CEP192: variants seen among roughly 807,000 people sequenced by gnomAD.
CEP192 encodes the protein centrosomal protein of 192 kDa.
Under a neutral mutation model 271.8 loss-of-function variants are expected in CEP192, and 151 were observed. That is an observed-to-expected ratio of 0.56 (90% CI 0.49 to 0.64). The LOEUF is 0.64. Among genes scored for constraint, CEP192 ranks in the 30% least tolerant of loss-of-function variants. The pLI is 0.00. For missense variants in CEP192, 2,910 were observed against 3,020.5 expected (o/e 0.96, Z 0.86); for synonymous variants, 995 against 1,076.5 (o/e 0.92, Z 1.48).
At chr18:13,032,684 G>A (rs773336024) in intron 11 of CEP192, among the ~76,000 whole-genome samples, 1 of 152,138 alleles carries the variant, frequency 6.6e-6, no homozygotes. Flanking sequence ...TTCACCAAAA[G>A]ACATACTAAA....
chr18:13,078,005 A>G (rs528906317), intron 30 of CEP192, among the ~76,000 whole-genome samples: 1 of 152,278 alleles, frequency 6.6e-6, no homozygotes, highest in East Asian at 1.9e-4. Flanking sequence ...TTACACAGGT[A>G]TACACGTGCC....
rs891966157 is a variant in CEP192, at chr18:13,056,556, G to A, written c.3966G>A (p.Trp1322Ter). Residue 1322 changes from tryptophan to a stop codon, truncating the protein, a stop_gained, in exon 19 of 45, where the codon TGG becomes TGA. Transcript: ENST00000506447. LOFTEE classifies it high-confidence loss of function. The part of the protein sequence containing the change: ...ICLGSNIGSG[W>*]MGTSSLCNPY... ...TAGGATCAAATATCGGCTCTGGATG[G>A]ATGGGTACCTCTTCCCTCTGTAACC... is the stretch of plus-strand genomic sequence containing the variant. 6.2e-7 allele frequency: 1 copy of A among 1,614,198 alleles called. No homozygotes were observed. Among genetic ancestry groups the A allele is most frequent in the Non-Finnish European group, 8.5e-7 (1 of 1,180,028 alleles).
At chr18:13,081,301 C>T in intron 30 of CEP192, among the ~76,000 whole-genome samples, 1 of 151,974 alleles carries the variant, frequency 6.6e-6, no homozygotes, top group East Asian at 1.9e-4. Flanking sequence ...GCTATTATTG[C>T]CTTAATTTTA....
At chr18:13,102,135 C>T (rs1308663237) in intron 38 of CEP192, among the ~76,000 whole-genome samples, 1 of 152,128 alleles carries the variant, frequency 6.6e-6, no homozygotes, top group Non-Finnish European at 1.5e-5. Context: ...GCTCCTGCCA[C>T]CCCCCACAGC....
intron 9 of CEP192, among the ~76,000 whole-genome samples, chr18:13,027,779 G>A (rs1280029207): frequency 6.6e-6 from 1 of 151,092 alleles, no homozygotes; most frequent in Non-Finnish European, 1.5e-5. Context: ...TCCACATTAT[G>A]TTTCTTTTTA....
intron 1 of CEP192, among the ~76,000 whole-genome samples, chr18:12,994,091 C>CTAGG (rs1186324427): frequency 6.6e-6 from 1 of 152,096 alleles, no homozygotes; most frequent in Non-Finnish European, 1.5e-5. Flanking sequence ...CTGCTGTGTG[C>CTAGG]TAGGCATTGT....
intron 32 of CEP192, among the ~76,000 whole-genome samples, chr18:13,089,115 T>C (rs1338779898): frequency 2.0e-5 from 3 of 152,210 alleles, no homozygotes; most frequent in Non-Finnish European, 4.4e-5. Flanking sequence ...CCCCTTCAAA[T>C]GTTTCCATTT....
chr18:13,103,157 C>T (rs1000997736), intron 38 of CEP192, among the ~76,000 whole-genome samples: 1 of 152,206 alleles, frequency 6.6e-6, no homozygotes, highest in African/African-American at 2.4e-5. Flanking sequence ...TGTGCATCAT[C>T]TCATAGCCAA....
chr18:13,071,214 T>TA lies in CEP192; in HGVS notation c.5348+4dup. Reference sequence around the variant, plus strand: ...AGGAGTCCCTCTAGGTAGAACACAGTAAGTGTCAAAGACTGACAAATCGTC... The same window carrying TA: ...AGGAGTCCCTCTAGGTAGAACACAGTAAAGTGTCAAAGACTGACAAATCGTC... On this transcript the variant is annotated splice_region_variant and intron_variant, in intron 28 of 44. Coordinates refer to ENST00000506447, the MANE Select transcript of CEP192 (RefSeq NM_032142.4). 1 of 1,611,474 alleles carries TA rather than the reference T, an allele frequency of 6.2e-7. No individual in the cohort carries two copies. Among genetic ancestry groups the TA allele is most frequent in the Non-Finnish European group, 8.5e-7 (1 of 1,178,122 alleles).
rs765233153 is a variant in CEP192, at chr18:13,056,343, G to A, written c.3753G>A (p.Leu1251=). The change falls in exon 19 of 45, where the codon TTG becomes TTA. Residue 1251 remains leucine (L), a synonymous_variant. Transcript: ENST00000506447. ...TGCCTGCTGCTGTGCACGCACTCTT[G>A]ACACAACCCTCTCTCAGCGCTGCTC... is the stretch of plus-strand genomic sequence containing the variant. ...QNMPAAVHAL[L]TQPSLSAAPF... is the part of the protein sequence containing the mutation. The A allele has an allele frequency of 4.3e-6, 7 of 1,614,086 alleles. No homozygotes were observed. The highest frequency in any genetic ancestry group is 1.3e-5 in the African/African-American group (1 of 74,934).
At chr18:13,037,367 G>A (rs2035973083) in intron 12 of CEP192, 66 bp downstream of exon 12, 1 of 670,860 alleles carries the variant, frequency 1.5e-6, no homozygotes, top group African/African-American at 1.8e-5. Flanking sequence ...TGTAGGCACA[G>A]TGTTCATTTC....
chr18:13,108,928 G>GA (rs1489034654), intron 40 of CEP192, among the ~76,000 whole-genome samples: 1 of 152,116 alleles, frequency 6.6e-6, no homozygotes, highest in Non-Finnish European at 1.5e-5. Flanking sequence ...AGGCTGCAGA[G>GA]AAAAAATGCT....
At chr18:13,068,048 A>G (rs772467468) in intron 22 of CEP192, 46 bp from the exon 23 acceptor site, 1 of 1,609,780 alleles carries the variant, frequency 6.2e-7, no homozygotes, top group Non-Finnish European at 8.5e-7. Context: ...CAAACTTAGC[A>G]TTACACTGTT....
At chr18:13,061,859 G>A (rs1049537692) in intron 21 of CEP192, among the ~76,000 whole-genome samples, 21 of 152,256 alleles carry the variant, frequency 1.4e-4, no homozygotes, top group Admixed American at 1.2e-3. Context: ...AACCAGTAAC[G>A]TCTCCAAACA....
intron 39 of CEP192, among the ~76,000 whole-genome samples, chr18:13,104,357 C>T (rs2039855093): frequency 6.6e-6 from 1 of 152,150 alleles, no homozygotes; most frequent in African/African-American, 2.4e-5. Flanking sequence ...CACCTGAATT[C>T]AGTGGGTGTG....
chr18:13,100,584 T>C, intron 38 of CEP192, 72 bp downstream of exon 38: 1 of 1,208,280 alleles, frequency 8.3e-7, no homozygotes, highest in South Asian at 1.3e-5. Flanking sequence ...TTCTTAGCCA[T>C]AAGTTGGTGA....
chr18:13,008,381 C>A, intron 3 of CEP192, 75 bp from the exon 4 acceptor site: 1 of 1,047,138 alleles, frequency 9.5e-7, no homozygotes, highest in Non-Finnish European at 1.4e-6. Context: ...AAATACATAA[C>A]TGATTAATAA....
intron 24 of CEP192, 133 bp downstream of exon 24, chr18:13,068,555 G>A (rs1183139085): frequency 2.3e-5 from 19 of 815,226 alleles, no homozygotes; most frequent in Middle Eastern, 3.6e-4. Context: ...TTTTGAAATT[G>A]AGGCAGATGG....
chr18:13,095,364 C>T, intron 34 of CEP192, 139 bp from the exon 35 acceptor site: 2 of 682,324 alleles, frequency 2.9e-6, no homozygotes, highest in Non-Finnish European at 4.9e-6. Flanking sequence ...TACCTGATAA[C>T]TCACTTTTAA....
Sources: allele counts gnomAD v4.1 joint callset (sites outside exome capture counted in the v4.1 genomes callset), GRCh38; gene constraint gnomAD v4.1.1; transcripts MANE v1.5; gene names NCBI Gene and HGNC (gene_info 2026-07-23, HGNC 2026-07-21).